The following FBXL17 variants were observed in gnomAD, a reference collection of about 807,000 sequenced individuals.
The protein encoded by FBXL17 is F-box and leucine rich repeat protein 17.
FBXL17 carries 22 observed loss-of-function variants against 66.2 expected under a neutral mutation model. The observed-to-expected ratio is 0.33, with a 90% CI of 0.24 to 0.47. The LOEUF is 0.47. Ranked by LOEUF, FBXL17 falls within the 20% of genes least tolerant of loss-of-function variation. The pLI, the probability that FBXL17 is intolerant of heterozygous loss-of-function variation, is 1.00. For missense variants in FBXL17, 878 were observed against 948.2 expected (o/e 0.93, Z 0.97); for synonymous variants, 474 against 400.5 (o/e 1.18, Z -2.19).
chr5:108,105,650 ACTT>A (rs1334410518), intron 6 of FBXL17, among the ~76,000 whole-genome samples: 1 of 152,224 alleles, frequency 6.6e-6, no homozygotes, highest in Non-Finnish European at 1.5e-5. Context: ...TCGATTATCT[ACTT>A]CATTTATTAT....
intron 7 of FBXL17, among the ~76,000 whole-genome samples, chr5:107,898,675 G>A (rs573092158): frequency 6.6e-6 from 1 of 152,144 alleles, no homozygotes; most frequent in East Asian, 1.9e-4. Flanking sequence ...CTGTTTCCAT[G>A]TGTTCTCATT....
chr5:107,960,745 C>T lies in FBXL17; in HGVS notation c.1822+60180G>A, dbSNP rs1751868999. 3.3e-5 allele frequency among the ~76,000 whole-genome samples: 5 copies of T among 152,174 alleles called. No homozygotes were observed. In the South Asian group the frequency reaches 8.3e-4, roughly 25 times the overall value. ...TTCTTGGGTCTAACTACAACTACTACTACTACAACTGAAAAAAATGCTAAT... is the reference window on the plus strand; with the variant it reads ...TTCTTGGGTCTAACTACAACTACTATTACTACAACTGAAAAAAATGCTAAT... On this transcript the variant is annotated intron_variant, in intron 7 of 8. Coordinates refer to ENST00000542267, the MANE Select transcript of FBXL17 (RefSeq NM_001163315.3).
At chr5:108,265,090 C>CT (rs1756993789) in intron 4 of FBXL17, among the ~76,000 whole-genome samples, 1 of 151,906 alleles carries the variant, frequency 6.6e-6, no homozygotes, top group Non-Finnish European at 1.5e-5. Context: ...ATAAGTTTTG[C>CT]TTTAATCAAT....
chr5:107,919,975 G>A (rs1011128460), intron 7 of FBXL17, among the ~76,000 whole-genome samples: 1 of 152,170 alleles, frequency 6.6e-6, no homozygotes, highest in Non-Finnish European at 1.5e-5. Flanking sequence ...TAAATGAATT[G>A]AATGATGACT....
chr5:108,293,098 CAAAA>C (rs1390083749), intron 4 of FBXL17, among the ~76,000 whole-genome samples: 1 of 92,580 alleles, frequency 1.1e-5, no homozygotes, highest in South Asian at 3.7e-4. Flanking sequence ...AAAAAAAAAA[CAAAA>C]AAAAAAAAAC....
chr5:108,102,988 G>C (rs1213369815), intron 6 of FBXL17, among the ~76,000 whole-genome samples: 1 of 152,178 alleles, frequency 6.6e-6, no homozygotes, highest in Non-Finnish European at 1.5e-5. Context: ...GGTAAAATAT[G>C]TTATAAACAC....
intron 6 of FBXL17, among the ~76,000 whole-genome samples, chr5:108,172,825 AGT>A (rs1238234526): frequency 6.6e-6 from 1 of 152,044 alleles, no homozygotes; most frequent in African/African-American, 2.4e-5. Context: ...TTTGAGATGG[AGT>A]TTAGCTCTTG....
intron 7 of FBXL17, among the ~76,000 whole-genome samples, chr5:107,944,106 T>C (rs1219665911): frequency 2.6e-5 from 4 of 152,216 alleles, no homozygotes; most frequent in Non-Finnish European, 4.4e-5. Flanking sequence ...GTCATCACCA[T>C]GTAAGCCTTC....
intron 3 of FBXL17, among the ~76,000 whole-genome samples, chr5:108,353,179 T>C (rs1258095740): frequency 1.3e-5 from 2 of 152,120 alleles, no homozygotes; most frequent in South Asian, 2.1e-4. Context: ...AAAAAGCTGA[T>C]CACACTGAAA....
At chr5:108,006,244 T>C (rs1420292027) in intron 7 of FBXL17, among the ~76,000 whole-genome samples, 6 of 152,192 alleles carry the variant, frequency 3.9e-5, no homozygotes, top group Admixed American at 6.5e-5. Flanking sequence ...ATTCAAAAAA[T>C]TGTAGAATGT....
intron 7 of FBXL17, among the ~76,000 whole-genome samples, chr5:107,985,949 T>C (rs1345552168): frequency 6.6e-6 from 1 of 152,196 alleles, no homozygotes; most frequent in African/African-American, 2.4e-5. Flanking sequence ...GGTTTCATTA[T>C]AGTCTTCTGT....
At chr5:108,174,173 T>C (rs1752706943) in intron 6 of FBXL17, among the ~76,000 whole-genome samples, 1 of 152,206 alleles carries the variant, frequency 6.6e-6, no homozygotes, top group African/African-American at 2.4e-5. Flanking sequence ...AAGATAACCC[T>C]ATGCTATAGT....
At chr5:108,116,231 G>A (rs1750242239) in intron 6 of FBXL17, among the ~76,000 whole-genome samples, 1 of 152,116 alleles carries the variant, frequency 6.6e-6, no homozygotes, top group Non-Finnish European at 1.5e-5. Context: ...AGTGGTCTAG[G>A]AGAAAGAACA....
intron 5 of FBXL17, among the ~76,000 whole-genome samples, chr5:108,217,171 G>C (rs1418031868): frequency 6.6e-6 from 1 of 151,812 alleles, no homozygotes; most frequent in Non-Finnish European, 1.5e-5. Flanking sequence ...AAAAACCCTG[G>C]ACCCCAGCCC....
chr5:107,993,690 T>G (rs960866674), intron 7 of FBXL17, among the ~76,000 whole-genome samples: 2 of 152,228 alleles, frequency 1.3e-5, no homozygotes, highest in African/African-American at 4.8e-5. Flanking sequence ...GATGTCTACT[T>G]TAAACATGTT....
At chr5:108,183,507 A>C (rs978645985) in intron 6 of FBXL17, among the ~76,000 whole-genome samples, 2 of 152,218 alleles carry the variant, frequency 1.3e-5, no homozygotes, top group Admixed American at 6.5e-5. Context: ...GATTATAGAG[A>C]AGAATTTTAC....
chr5:107,920,225 A>G (rs1351456768), intron 7 of FBXL17, among the ~76,000 whole-genome samples: 1 of 152,162 alleles, frequency 6.6e-6, no homozygotes, highest in East Asian at 1.9e-4. Flanking sequence ...TCTTTTTGAG[A>G]CAGAGTCTCG....
At chr5:107,958,009 G>T (rs1006775758) in intron 7 of FBXL17, among the ~76,000 whole-genome samples, 2 of 151,802 alleles carry the variant, frequency 1.3e-5, no homozygotes, top group African/African-American at 2.4e-5. Context: ...GTAATACATC[G>T]TTAATTGTTG....
intron 4 of FBXL17, among the ~76,000 whole-genome samples, chr5:108,258,628 G>A (rs1756677824): frequency 6.6e-6 from 1 of 152,106 alleles, no homozygotes; most frequent in South Asian, 2.1e-4. Context: ...AAAAAACCTG[G>A]GCTCTAAGGA....
Sources: gnomAD v4.1 joint callset for allele counts (sites outside exome capture counted in the v4.1 genomes callset) on GRCh38, gnomAD v4.1.1 for gene constraint, MANE v1.5 for transcripts, NCBI Gene and HGNC (gene_info 2026-07-23, HGNC 2026-07-21) for gene names.